Variants in HGD observed in about 807,000 individuals in gnomAD.
HGD encodes homogentisate oxidase.
In HGD, 61 loss-of-function variants were observed where a neutral mutation model predicts 60.8. That is an observed-to-expected ratio of 1.00 (90% CI 0.82 to 1.24). The LOEUF is 1.24. Ranked by LOEUF, HGD falls within the 50% of genes most tolerant of loss-of-function variation. HGD has a pLI of 0.00. For synonymous variants in HGD, 212 were observed against 187.7 expected, an observed-to-expected ratio of 1.13 and a Z score of -1.06; for missense variants, 542 against 547.1, an observed-to-expected ratio of 0.99 and a Z score of 0.09.
intron 11 of HGD, among the ~76,000 whole-genome samples, chr3:120,639,259 G>C (rs1474979223): frequency 6.6e-6 from 1 of 152,018 alleles, no homozygotes; most frequent in African/African-American, 2.4e-5. Context: ...TATGTCCATG[G>C]GTGCTCAATG....
rs542079226 is a variant in HGD at position 120,650,683 on chromosome 3, G to A, written c.434+91C>T. 5.8e-5 allele frequency: 51 copies of A among 885,694 alleles called. No homozygotes were observed. In the South Asian group the frequency reaches 6.7e-4, roughly 12 times the overall value. The allele number at this position is 885,694 out of a possible 1,614,324, so 54.9% of individuals were successfully genotyped here. ...CAAAAACAACTATGTATGTGCATAT[G>A]TGACTTCACAAGAGTGAAACCTGGA... On this transcript the variant is annotated intron_variant, in intron 6 of 13. Coordinates refer to ENST00000283871, the MANE Select transcript of HGD (RefSeq NM_000187.4).
chr3:120,670,714 C>T (rs1708008213), intron 3 of HGD, among the ~76,000 whole-genome samples, 182 bp from the exon 4 acceptor site: 1 of 152,184 alleles, frequency 6.6e-6, no homozygotes, highest in South Asian at 2.1e-4. Context: ...TGCCCACAGC[C>T]CTGGCCTCTT....
chr3:120,664,891 A>C (rs1361631682), intron 4 of HGD, among the ~76,000 whole-genome samples: 1 of 152,250 alleles, frequency 6.6e-6, no homozygotes, highest in Non-Finnish European at 1.5e-5. Context: ...CTTTAATGTA[A>C]GTTTTAAATA....
At chr3:120,671,785 C>T (rs1158024980) in intron 3 of HGD, among the ~76,000 whole-genome samples, 2 of 152,298 alleles carry the variant, frequency 1.3e-5, no homozygotes, top group East Asian at 1.9e-4. Context: ...GGTACATATA[C>T]ACCATGGAAT....
rs1553715351 is a variant in HGD at position 120,628,417 on chromosome 3, AAGTGGCTCTTG to A, written c.1290_1300del (p.Lys431HisfsTer11). On this transcript the variant is annotated frameshift_variant, in exon 14 of 14. Transcript: ENST00000283871. LOFTEE classifies it high-confidence loss of function. ...TGCTGGGTTCCTGGAGTTGGGAGTG[AAGTGGCTCTTG>A]AGTGGCTCCCAGCACTTGTGGTAGT... 1.9e-6 allele frequency: 3 copies of A among 1,614,050 alleles called. No homozygotes were observed. The highest frequency in any genetic ancestry group is 1.7e-6 in the Non-Finnish European group (2 of 1,179,970).
chr3:120,682,206 T>C lies in HGD; in HGVS notation c.-95A>G, dbSNP rs1410445898. On this transcript the variant is annotated 5_prime_UTR_variant, in exon 1 of 14. In the 5' UTR this introduces an upstream ATG that the reference lacks. Transcript: ENST00000283871. ...TTTCTCCTTCAAACCACTCTTTGGA[T>C]ATTCCGGTTCCCACTGCTTCACTGC... The C allele has an allele frequency of 3.2e-6, 4 of 1,255,510 alleles. No homozygotes were observed. The African/African-American group carries it at 5.9e-5, about 18-fold the overall frequency. The allele number at this position is 1,255,510 out of a possible 1,614,324, so 77.8% of individuals were successfully genotyped here. A position where few individuals can be genotyped will look rare whatever the true frequency, so the allele number is the denominator to read the frequency against.
chr3:120,674,783 T>C, intron 3 of HGD, 118 bp downstream of exon 3: 1 of 742,386 alleles, frequency 1.3e-6, no homozygotes, highest in Non-Finnish European at 2.5e-6. Flanking sequence ...GACCATAGCC[T>C]ATAAGAAGCA....
intron 4 of HGD, 39 bp downstream of exon 4, chr3:120,670,388 T>G: frequency 1.0e-6 from 1 of 969,362 alleles, no homozygotes; most frequent in Non-Finnish European, 1.7e-6. Flanking sequence ...GTCAAGGCTT[T>G]GGGTATATGA....
chr3:120,661,147 A>T (rs1411791631), intron 4 of HGD, among the ~76,000 whole-genome samples: 1 of 152,046 alleles, frequency 6.6e-6, no homozygotes, highest in Non-Finnish European at 1.5e-5. Context: ...ACTAACCTAC[A>T]CCCTGAGCCC....
At chr3:120,673,450 T>C (rs1162449650) in intron 3 of HGD, among the ~76,000 whole-genome samples, 1 of 152,154 alleles carries the variant, frequency 6.6e-6, no homozygotes, top group East Asian at 1.9e-4. Flanking sequence ...GGACAGGTTG[T>C]CATAAATTAG....
chr3:120,630,228 C>G lies in HGD; in HGVS notation c.1189-1699G>C, dbSNP rs140059484. 1.4e-4 allele frequency among the ~76,000 whole-genome samples: 22 copies of G among 152,260 alleles called. No homozygotes were observed. In the East Asian group the frequency reaches 4.2e-3, roughly 29 times the overall value. ...AGCAATGTAAAGATTCAACGCTGTT[C>G]ATATCAAAATACCAACGACATTCTT... On this transcript the variant is annotated intron_variant, in intron 13 of 13. Transcript: ENST00000283871.
intron 4 of HGD, among the ~76,000 whole-genome samples, chr3:120,668,759 AT>A (rs200933700): frequency 0.022 from 3,425 of 152,270 alleles, 154 homozygotes; most frequent in African/African-American, 0.078. Flanking sequence ...AAATGTTATC[AT>A]CCCATTTTAC....
chr3:120,666,116 A>G (rs1707894055), intron 4 of HGD, among the ~76,000 whole-genome samples: 1 of 152,102 alleles, frequency 6.6e-6, no homozygotes, highest in Non-Finnish European at 1.5e-5. Flanking sequence ...ATGGAGAGAG[A>G]AGTAGTTGGC....
intron 1 of HGD, among the ~76,000 whole-genome samples, chr3:120,677,032 A>G (rs965991836): frequency 6.6e-6 from 1 of 152,198 alleles, no homozygotes; most frequent in African/African-American, 2.4e-5. Flanking sequence ...GATTTCATGG[A>G]CACTTATCAC....
chr3:120,676,451 A>G (rs896034490), intron 1 of HGD, among the ~76,000 whole-genome samples: 5 of 152,182 alleles, frequency 3.3e-5, no homozygotes, highest in African/African-American at 1.2e-4. Context: ...AGGAAAAAAA[A>G]AGTTAAAGGG....
intron 1 of HGD, among the ~76,000 whole-genome samples, chr3:120,681,619 C>T (rs893064882): frequency 6.6e-5 from 10 of 152,150 alleles, no homozygotes; most frequent in East Asian, 1.9e-4. Flanking sequence ...TTTTCAATTG[C>T]GTATTACTAA....
intron 12 of HGD, among the ~76,000 whole-genome samples, chr3:120,638,195 G>A (rs1253136905): frequency 2.0e-5 from 3 of 152,130 alleles, no homozygotes; most frequent in Non-Finnish European, 2.9e-5. Context: ...GCATAACCAC[G>A]AGCCAAATGA....
At chr3:120,630,837 C>CAT (rs1305805969) in intron 13 of HGD, among the ~76,000 whole-genome samples, 31 of 79,856 alleles carry the variant, frequency 3.9e-4, no homozygotes, top group South Asian at 3.2e-3. Context: ...CACATACACA[C>CAT]ACACATACAC....
chr3:120,668,798 G>T (rs1349332287), intron 4 of HGD, among the ~76,000 whole-genome samples: 5 of 152,102 alleles, frequency 3.3e-5, no homozygotes, highest in East Asian at 3.9e-4. Context: ...TTAAGACACA[G>T]CTAGTAAGTA....
Sources: allele counts gnomAD v4.1 joint callset (sites outside exome capture counted in the v4.1 genomes callset), GRCh38; gene constraint gnomAD v4.1.1; transcripts MANE v1.5; gene names NCBI Gene and HGNC (gene_info 2026-07-23, HGNC 2026-07-21).